The following ENTREP2 variants were observed in gnomAD, a reference collection of about 807,000 sequenced individuals.
ENTREP2 encodes protein ENTREP2.
the ENTREP2 span, among the ~76,000 whole-genome samples, chr15:29,317,278 A>G: frequency 6.6e-6 from 1 of 152,210 alleles, no homozygotes; most frequent in African/African-American, 2.4e-5. Flanking sequence ...GTGGGACCGC[A>G]GTTGCTAAGC....
chr15:29,506,207 A>G, the ENTREP2 span, among the ~76,000 whole-genome samples: 1 of 152,182 alleles, frequency 6.6e-6, no homozygotes. Context: ...AGACAAGATT[A>G]GAGAAAAAAG....
chr15:29,607,678 C>G, the ENTREP2 span, among the ~76,000 whole-genome samples: 1 of 152,068 alleles, frequency 6.6e-6, no homozygotes, highest in Non-Finnish European at 1.5e-5. Flanking sequence ...TTTAAAATTA[C>G]TTTGCATAGG....
the ENTREP2 span, among the ~76,000 whole-genome samples, chr15:29,145,488 T>TG: frequency 6.6e-6 from 1 of 151,686 alleles, no homozygotes; most frequent in South Asian, 2.1e-4. Context: ...CCAGGTGTGG[T>TG]GGCGGGCGCC....
the ENTREP2 span, among the ~76,000 whole-genome samples, chr15:29,223,273 G>C: frequency 6.6e-6 from 1 of 152,186 alleles, no homozygotes; most frequent in Non-Finnish European, 1.5e-5. Flanking sequence ...GGTTCACTAG[G>C]CCGTGGGTGG....
the ENTREP2 span, among the ~76,000 whole-genome samples, chr15:29,628,237 T>A: frequency 6.6e-6 from 1 of 152,328 alleles, no homozygotes; most frequent in African/African-American, 2.4e-5. Flanking sequence ...ATGTTTAACA[T>A]CTTTGATGTG....
the ENTREP2 span, among the ~76,000 whole-genome samples, chr15:29,641,163 A>G: frequency 6.6e-6 from 1 of 152,224 alleles, no homozygotes; most frequent in African/African-American, 2.4e-5. Context: ...AACTAGCAAT[A>G]GAAGTTCCTA....
chr15:29,156,858 T>C, the ENTREP2 span, among the ~76,000 whole-genome samples: 24 of 152,108 alleles, frequency 1.6e-4, no homozygotes, highest in African/African-American at 5.3e-4. Context: ...CAGTGGCTCA[T>C]GCGAGGCGGG....
chr15:29,595,564 G>A, the ENTREP2 span, among the ~76,000 whole-genome samples: 2 of 152,166 alleles, frequency 1.3e-5, no homozygotes, highest in African/African-American at 4.8e-5. Context: ...TCCTCGTGGT[G>A]TGTCAGCTTC....
chr15:29,400,809 C>T, the ENTREP2 span, among the ~76,000 whole-genome samples: 1 of 152,220 alleles, frequency 6.6e-6, no homozygotes, highest in Admixed American at 6.5e-5. Flanking sequence ...GGCCTCTCTG[C>T]ATCTGCATTA....
chr15:29,598,760 G>C, the ENTREP2 span, among the ~76,000 whole-genome samples: 2 of 152,038 alleles, frequency 1.3e-5, no homozygotes, highest in Non-Finnish European at 2.9e-5. Context: ...GCAGTGGCGT[G>C]ATCTTGGCTC....
At chr15:29,620,322 G>A in the ENTREP2 span, among the ~76,000 whole-genome samples, 5 of 152,164 alleles carry the variant, frequency 3.3e-5, no homozygotes, top group East Asian at 3.9e-4. Flanking sequence ...GGGAGAAACC[G>A]GGGGGAAGTG....
At chr15:29,162,658 G>A in the ENTREP2 span, among the ~76,000 whole-genome samples, 5 of 152,000 alleles carry the variant, frequency 3.3e-5, no homozygotes, top group Admixed American at 6.6e-5. Flanking sequence ...CAGCAAGACC[G>A]GTCCAAAGAG....
chr15:29,377,862 TAAA>T, the ENTREP2 span, among the ~76,000 whole-genome samples: 4,649 of 100,916 alleles, frequency 0.046, 215 homozygotes, highest in African/African-American at 0.11. Context: ...ATAATAATAA[TAAA>T]AAAATGAGCC....
chr15:29,530,552 C>T, the ENTREP2 span, among the ~76,000 whole-genome samples: 3 of 152,144 alleles, frequency 2.0e-5, no homozygotes, highest in East Asian at 1.9e-4. Context: ...CTACCAAGAG[C>T]GGTTCACCAC....
At chr15:29,521,031 G>C in the ENTREP2 span, among the ~76,000 whole-genome samples, 1 of 152,152 alleles carries the variant, frequency 6.6e-6, no homozygotes, top group Non-Finnish European at 1.5e-5. Flanking sequence ...GGGTGATTTT[G>C]TCACTCCGGG....
chr15:29,419,585 A>G, the ENTREP2 span, among the ~76,000 whole-genome samples: 3 of 152,234 alleles, frequency 2.0e-5, no homozygotes, highest in Non-Finnish European at 4.4e-5. Context: ...TAAAACAAAC[A>G]AAACAGCAAA....
At chr15:29,202,459 C>T in the ENTREP2 span, among the ~76,000 whole-genome samples, 69 of 152,026 alleles carry the variant, frequency 4.5e-4, 3 homozygotes, top group Middle Eastern at 0.01. Flanking sequence ...CACAAATCAC[C>T]TCCCATTTTA....
chr15:29,210,768 G>C, the ENTREP2 span, among the ~76,000 whole-genome samples: 1 of 152,148 alleles, frequency 6.6e-6, no homozygotes, highest in Non-Finnish European at 1.5e-5. Flanking sequence ...CTTCCTCTTG[G>C]AAACTGCGAG....
At chr15:29,466,632 G>A in the ENTREP2 span, among the ~76,000 whole-genome samples, 1 of 139,246 alleles carries the variant, frequency 7.2e-6, no homozygotes. Context: ...GGAGGATGCT[G>A]CAGCCCCCAG....
Sources: allele counts gnomAD v4.1 joint callset (sites outside exome capture counted in the v4.1 genomes callset), GRCh38; gene constraint gnomAD v4.1.1; transcripts MANE v1.5; gene names NCBI Gene and HGNC (gene_info 2026-07-23, HGNC 2026-07-21).